The following BEST3 variants were observed in gnomAD, a reference collection of about 807,000 sequenced individuals.
The protein encoded by BEST3 is bestrophin 3.
BEST3 carries 50 observed loss-of-function variants against 47.1 expected under a neutral mutation model. The observed-to-expected ratio is 1.06, with a 90% confidence interval of 0.85 to 1.34. BEST3 has a LOEUF of 1.34. Ranked by LOEUF, BEST3 falls within the 40% of genes most tolerant of loss-of-function variation. The pLI, the probability that BEST3 is intolerant of heterozygous loss-of-function variation, is 0.00. For missense variants in BEST3, 765 were observed against 817.0 expected, an observed-to-expected ratio of 0.94 and a Z score of 0.78; for synonymous variants, 282 against 298.8, an observed-to-expected ratio of 0.94 and a Z score of 0.58.
In BEST3 at chr12:69,654,853, C is replaced by G. The variant is rs2135906423; in HGVS notation, c.*54G>C. 5 of 1,557,974 alleles carry G rather than the reference C, an allele frequency of 3.2e-6. No homozygotes were observed. In the Admixed American group the frequency reaches 9.5e-5, roughly 30 times the overall value. ...GGTATGTCCTGGGCCTAATATGCTG[C>G]TTTTGGGGAGGTAAGAATCTAGGCT... On this transcript the variant is annotated 3_prime_UTR_variant, in exon 10 of 10. Transcript: ENST00000330891.
At chr12:69,666,305 A>G (rs1211087954) in intron 9 of BEST3, among the ~76,000 whole-genome samples, 1 of 152,254 alleles carries the variant, frequency 6.6e-6, no homozygotes, top group Non-Finnish European at 1.5e-5. Flanking sequence ...GGCGTGGGCC[A>G]TCATGTCTGG....
chr12:69,684,981 G>GTTCTATACTATTCTATTCTA (rs1885480693), intron 4 of BEST3, among the ~76,000 whole-genome samples: 1 of 142,092 alleles, frequency 7.0e-6, no homozygotes, highest in Non-Finnish European at 1.5e-5. Context: ...GCTTTCTGCT[G>GTTCTATACTATTCTATTCTA]TTCTATTCTA....
chr12:69,663,022 G>T (rs1968996), intron 9 of BEST3, among the ~76,000 whole-genome samples: 149,855 of 152,372 alleles, frequency 0.98, 73,738 homozygotes, highest in East Asian at 1. Context: ...GTTTTTCCAA[G>T]GCCCTTAAGG....
In BEST3 at chr12:69,655,181, C is replaced by A. The variant is rs998775437; in HGVS notation, c.1733G>T (p.Cys578Phe). The change falls in exon 10 of 10, where the codon TGT becomes TTT. Residue 578 changes from cysteine to phenylalanine, a missense_variant. Cys to Phe is a radical substitution (Grantham distance 205). Coordinates refer to ENST00000330891, the MANE Select transcript of BEST3 (RefSeq NM_032735.3). ...SASAEENIFN[C>F]EEDPGDTFLK... is the part of the protein sequence containing the mutation. Reference sequence around the variant, plus strand: ...AAAGGTATCACCAGGGTCTTCTTCACAGTTGAATATATTTTCCTCAGCGCT... The same window carrying A: ...AAAGGTATCACCAGGGTCTTCTTCAAAGTTGAATATATTTTCCTCAGCGCT... The A allele has an allele frequency of 2.5e-6, 4 of 1,614,148 alleles. No homozygotes were observed. Among genetic ancestry groups the A allele is most frequent in the Non-Finnish European group, 3.4e-6 (4 of 1,180,016 alleles).
chr12:69,649,532 T>G (rs1883145024), downstream of BEST3, among the ~76,000 whole-genome samples: 1 of 152,246 alleles, frequency 6.6e-6, no homozygotes, highest in South Asian at 2.1e-4. Context: ...GGCTAATCTG[T>G]TCTCTTCTAG....
Position 69,654,967 on chromosome 12 carries a change from C to G in BEST3, c.1947G>C (p.Leu649=). The stretch of plus-strand genomic sequence containing the variant: ...CTATGATATCTGTTTCCTTGGTGTC[C>G]AGGTTTTCCATTAAATACAGCATAT... The part of the protein sequence containing the change: ...SSDMLYLMEN[L]DTKETDIIEL... Residue 649 remains leucine (L), a synonymous_variant, in exon 10 of 10, where the codon CTG becomes CTC. Coordinates refer to ENST00000330891, the MANE Select transcript of BEST3 (RefSeq NM_032735.3). 6.2e-7 allele frequency: 1 copy of G among 1,613,972 alleles called. No homozygotes were observed. The highest frequency in any genetic ancestry group is 8.5e-7 in the Non-Finnish European group (1 of 1,179,970).
intron 7 of BEST3, among the ~76,000 whole-genome samples, chr12:69,676,667 G>C (rs1416602083): frequency 1.3e-5 from 2 of 152,186 alleles, no homozygotes; most frequent in Non-Finnish European, 2.9e-5. Flanking sequence ...GGAACACACA[G>C]AGACTTAAAA....
At chr12:69,693,263 C>T (rs12581083) in intron 4 of BEST3, among the ~76,000 whole-genome samples, 1,157 of 110,542 alleles carry the variant, frequency 0.01, no homozygotes, top group Non-Finnish European at 0.013. Flanking sequence ...TTTCTTTTTT[C>T]TTTTTTTTTT....
At chr12:69,689,030 C>G (rs1885801326) in intron 4 of BEST3, 1 of 945,364 alleles carries the variant, frequency 1.1e-6, no homozygotes, top group African/African-American at 1.8e-5. Context: ...TGCCCTTAAC[C>G]TTGTCCCCAC....
At chr12:69,649,525 T>A (rs1883144864), downstream of BEST3, among the ~76,000 whole-genome samples, 1 of 152,276 alleles carries the variant, frequency 6.6e-6, no homozygotes. Context: ...GTTGCTGGGC[T>A]AATCTGTTCT....
downstream of BEST3, among the ~76,000 whole-genome samples, chr12:69,651,137 G>C (rs1475488510): frequency 6.6e-6 from 1 of 152,186 alleles, no homozygotes; most frequent in East Asian, 1.9e-4. Flanking sequence ...AGAATAAGTA[G>C]ATCCTGGCAA....
chr12:69,654,868 G>C lies in BEST3; in HGVS notation c.*39C>G. The C allele has an allele frequency of 6.4e-7, 1 of 1,571,090 alleles. No homozygotes were observed. Among genetic ancestry groups the C allele is most frequent in the Non-Finnish European group, 8.6e-7 (1 of 1,159,500 alleles). Reference sequence around the variant, plus strand: ...TAATATGCTGCTTTTGGGGAGGTAAGAATCTAGGCTAGAACCAGGTCCTAG... The same window carrying C: ...TAATATGCTGCTTTTGGGGAGGTAACAATCTAGGCTAGAACCAGGTCCTAG... On this transcript the variant is annotated 3_prime_UTR_variant, in exon 10 of 10. Coordinates refer to ENST00000330891, the MANE Select transcript of BEST3 (RefSeq NM_032735.3).
At chr12:69,676,475 T>C (rs1884928455) in intron 7 of BEST3, among the ~76,000 whole-genome samples, 1 of 151,772 alleles carries the variant, frequency 6.6e-6, no homozygotes, top group Middle Eastern at 3.4e-3. Context: ...CCTAGCAGAA[T>C]TTCAGGGAAT....
intron 1 of BEST3, among the ~76,000 whole-genome samples, 174 bp downstream of exon 1, chr12:69,699,031 C>T (rs1226276493): frequency 6.6e-6 from 1 of 152,110 alleles, no homozygotes; most frequent in African/African-American, 2.4e-5. Context: ...TAAATTAAAC[C>T]CATTTCATAA....
At position 69,686,786 on chromosome 12, in the gene BEST3, A is replaced by AAAAAAAAAAAG. The variant is rs371159662; in HGVS notation, c.481+6887_481+6888insCTTTTTTTTTT. ...GATTCTGCCTCAAAAAAACAAAAAA[A>AAAAAAAAAAAG]AAAGAAAGAAAAGAAAAAAAGAAAG... On this transcript the variant is annotated intron_variant, in intron 4 of 9. Transcript: ENST00000330891. 4.6e-3 allele frequency among the ~76,000 whole-genome samples: 659 copies of AAAAAAAAAAAG among 143,306 alleles called. 10 individuals carry two copies. Among genetic ancestry groups the AAAAAAAAAAAG allele is most frequent in the African/African-American group, 0.015 (566 of 37,802 alleles). The allele number at this position is 143,306 out of a possible 152,430, so 94.0% of individuals were successfully genotyped here. A position where few individuals can be genotyped will look rare whatever the true frequency, so the allele number is the denominator to read the frequency against.
In BEST3 at chr12:69,665,421, C is replaced by T. The variant is rs148009225; in HGVS notation, c.1100+6007G>A. ...CAGCCTGGCCAACATGGTGAAACCC[C>T]GTCTCTACTAAAAATACAAAAATTA... On this transcript the variant is annotated intron_variant, in intron 9 of 9. Transcript: ENST00000330891. Among the ~76,000 whole-genome samples, 85 of 152,136 alleles carry T rather than the reference C, an allele frequency of 5.6e-4. No homozygotes were observed. The Middle Eastern group carries it at 0.014, about 24-fold the overall frequency.
At position 69,654,429 on chromosome 12, in the gene BEST3, G is replaced by C. The variant is rs76226396; in HGVS notation, c.*478C>G. 8.6e-4 allele frequency: 848 copies of C among 986,086 alleles called. 1 individual carries two copies. The highest frequency in any genetic ancestry group is 1.0e-3 in the Non-Finnish European group (832 of 830,544). 61.1% of individuals were successfully genotyped at this position (986,086 alleles called of 1,614,324 possible). On this transcript the variant is annotated 3_prime_UTR_variant, in exon 10 of 10. Coordinates refer to ENST00000330891, the MANE Select transcript of BEST3 (RefSeq NM_032735.3). ...TGGTTAGAAAGCCTCAAACAAAAAC[G>C]TTAGGAAGGAGGGGATCTTTCAGGC...
chr12:69,653,572 G>A (rs1019942044), downstream of BEST3: 14 of 901,576 alleles, frequency 1.6e-5, no homozygotes, highest in African/African-American at 3.6e-5. Flanking sequence ...CATAAGATTC[G>A]CTGCTGCCTG....
At chr12:69,692,926 C>A (rs540883073) in intron 4 of BEST3, among the ~76,000 whole-genome samples, 4 of 152,212 alleles carry the variant, frequency 2.6e-5, no homozygotes, top group African/African-American at 9.6e-5. Context: ...GCAAGCCCAG[C>A]TAATTATTGT....
Sources: allele counts gnomAD v4.1 joint callset (sites outside exome capture counted in the v4.1 genomes callset), GRCh38; gene constraint gnomAD v4.1.1; transcripts MANE v1.5; gene names NCBI Gene and HGNC (gene_info 2026-07-23, HGNC 2026-07-21).